Variants in SEM1 observed in about 807,000 individuals in gnomAD.
SEM1 encodes the protein 26S proteasome complex subunit SEM1.
In SEM1, 3 loss-of-function variants were observed where a neutral mutation model predicts 12.7. The observed-to-expected ratio is 0.24, with a 90% CI of 0.11 to 0.61. SEM1 has a LOEUF of 0.61. Ranked by LOEUF, SEM1 falls within the 20% of genes least tolerant of loss-of-function variation. The pLI is 0.88. For missense variants in SEM1, 59 were observed against 81.3 expected, an observed-to-expected ratio of 0.73 and a Z score of 1.06; for synonymous variants, 30 against 27.8, an observed-to-expected ratio of 1.08 and a Z score of -0.25.
chr7:96,674,300 C>T (rs971778409), intron 2 of SEM1, among the ~76,000 whole-genome samples: 4 of 152,052 alleles, frequency 2.6e-5, no homozygotes, highest in Non-Finnish European at 5.9e-5. Flanking sequence ...TAGAATATTA[C>T]TAGGGCTTAT....
intron 2 of SEM1, among the ~76,000 whole-genome samples, chr7:96,579,821 G>A (rs1006399806): frequency 1.3e-5 from 2 of 152,106 alleles, no homozygotes; most frequent in Admixed American, 1.3e-4. Context: ...TTGAGCTATA[G>A]CCACCTAAGA....
intron 2 of SEM1, among the ~76,000 whole-genome samples, chr7:96,644,767 A>G (rs1808729572): frequency 6.6e-6 from 1 of 152,100 alleles, no homozygotes; most frequent in Non-Finnish European, 1.5e-5. Flanking sequence ...GCACCAGCCC[A>G]CCTTAATGCT....
chr7:96,599,286 G>T (rs1807115173), intron 2 of SEM1, among the ~76,000 whole-genome samples: 1 of 151,938 alleles, frequency 6.6e-6, no homozygotes, highest in Non-Finnish European at 1.5e-5. Context: ...CAAAGGTATT[G>T]GTGACTGAAA....
intron 1 of SEM1, among the ~76,000 whole-genome samples, chr7:96,700,149 C>G (rs928061843): frequency 2.0e-5 from 3 of 152,026 alleles, no homozygotes; most frequent in Admixed American, 2.0e-4. Context: ...TTTTCAGTAC[C>G]AGATTTATAG....
intron 2 of SEM1, among the ~76,000 whole-genome samples, chr7:96,553,807 T>C (rs866103447): frequency 0.044 from 6,738 of 152,298 alleles, 527 homozygotes; most frequent in African/African-American, 0.15. Flanking sequence ...TTTCACGATA[T>C]TGATTCTTCC....
chr7:96,660,364 C>T (rs1326286680), intron 2 of SEM1, among the ~76,000 whole-genome samples: 2 of 152,118 alleles, frequency 1.3e-5, no homozygotes, highest in African/African-American at 4.8e-5. Context: ...GAGATTTCAA[C>T]ACATTTCTCT....
chr7:96,563,985 G>C (rs1330081560), intron 2 of SEM1, among the ~76,000 whole-genome samples: 1 of 151,952 alleles, frequency 6.6e-6, no homozygotes, highest in African/African-American at 2.4e-5. Context: ...GGTTTTATTA[G>C]CCTCATGCAG....
intron 1 of SEM1, among the ~76,000 whole-genome samples, chr7:96,489,164 G>T (rs958913320): frequency 5.3e-5 from 8 of 152,070 alleles, no homozygotes; most frequent in African/African-American, 1.7e-4. Flanking sequence ...TCACAGTGCC[G>T]CCAGAAGAAC....
intron 2 of SEM1, among the ~76,000 whole-genome samples, chr7:96,666,669 G>C (rs574004230): frequency 6.6e-5 from 9 of 135,866 alleles, no homozygotes; most frequent in African/African-American, 2.3e-4. Context: ...CAACCATAAA[G>C]ATGTACAGCT....
intron 2 of SEM1, among the ~76,000 whole-genome samples, chr7:96,666,729 CCA>C (rs1789182815): frequency 6.6e-6 from 1 of 151,554 alleles, no homozygotes; most frequent in East Asian, 1.9e-4. Flanking sequence ...AACCTGGTAC[CCA>C]CAGTCAGACC....
At chr7:96,528,378 G>C (rs972878137) in intron 2 of SEM1, among the ~76,000 whole-genome samples, 4 of 152,086 alleles carry the variant, frequency 2.6e-5, no homozygotes, top group African/African-American at 7.2e-5. Context: ...TTTTACTAGA[G>C]ACTGGGTTTC....
At chr7:96,627,204 A>G (rs1490757614) in intron 2 of SEM1, among the ~76,000 whole-genome samples, 2 of 151,970 alleles carry the variant, frequency 1.3e-5, no homozygotes, top group Non-Finnish European at 2.9e-5. Flanking sequence ...AACTTTTCAA[A>G]AAACCATCTT....
chr7:96,575,830 A>C (rs1433221211), intron 2 of SEM1, among the ~76,000 whole-genome samples: 1 of 152,232 alleles, frequency 6.6e-6, no homozygotes, highest in African/African-American at 2.4e-5. Context: ...TATGCATCTG[A>C]CAAATGGTTA....
chr7:96,521,718 C>T (rs1192704477), intron 2 of SEM1, among the ~76,000 whole-genome samples: 7 of 152,112 alleles, frequency 4.6e-5, no homozygotes, highest in African/African-American at 1.4e-4. Flanking sequence ...CCTGGAGTCA[C>T]ATGGAATGAG....
chr7:96,697,932 AATGTCTAGTCAGTGACT>A (rs1440956908), intron 1 of SEM1, among the ~76,000 whole-genome samples: 3 of 152,118 alleles, frequency 2.0e-5, no homozygotes, highest in African/African-American at 7.2e-5. Flanking sequence ...CTGCAGATCT[AATGTCTAGTCAGTGACT>A]AAGAAATCAA....
intron 2 of SEM1, among the ~76,000 whole-genome samples, chr7:96,639,855 C>T (rs1256659771): frequency 6.6e-6 from 1 of 151,842 alleles, no homozygotes; most frequent in African/African-American, 2.4e-5. Flanking sequence ...TCCTACAAGG[C>T]ACCTATTCAA....
exon 4 of SEM1, chr7:96,483,429 T>C (rs933413459): frequency 5.3e-6 from 1 of 188,118 alleles, no homozygotes; most frequent in African/African-American, 2.4e-5. Context: ...TAGTCAATAA[T>C]AGTCATATTT....
intron 2 of SEM1, among the ~76,000 whole-genome samples, chr7:96,585,888 A>C (rs1257140944): frequency 6.6e-6 from 1 of 152,082 alleles, no homozygotes; most frequent in African/African-American, 2.4e-5. Flanking sequence ...AGTGAGATGA[A>C]CCCTGTACCT....
At chr7:96,484,719 T>C in intron 3 of SEM1, 1 of 581,516 alleles carries the variant, frequency 1.7e-6, no homozygotes, top group Non-Finnish European at 2.7e-6. Context: ...AAATCCTAAC[T>C]CTTCCGAATG....
Sources: gnomAD v4.1 joint callset for allele counts (sites outside exome capture counted in the v4.1 genomes callset) on GRCh38, gnomAD v4.1.1 for gene constraint, MANE v1.5 for transcripts, NCBI Gene and HGNC (gene_info 2026-07-23, HGNC 2026-07-21) for gene names.